The following NOS1 variants were observed in gnomAD, a reference collection of about 807,000 sequenced individuals.
NOS1 encodes nitric oxide synthase 1.
In NOS1, 51 loss-of-function variants were observed where a neutral mutation model predicts 164.5. The ratio of observed to expected loss-of-function variants is 0.31; its 90% CI spans 0.25 to 0.39. The LOEUF is 0.39. Among genes scored for constraint, NOS1 ranks in the 10% least tolerant of loss-of-function variants. The pLI, the probability that NOS1 is intolerant of heterozygous loss-of-function variation, is 1.00. For synonymous variants in NOS1, 719 were observed against 745.8 expected (o/e 0.96, Z 0.59); for missense variants, 1,362 against 1,885.6 (o/e 0.72, Z 5.14).
At chr12:117,300,374 A>C (rs1290090092) in intron 3 of NOS1, among the ~76,000 whole-genome samples, 1 of 152,214 alleles carries the variant, frequency 6.6e-6, no homozygotes, top group Non-Finnish European at 1.5e-5. Flanking sequence ...TAAAACAAAC[A>C]GTTAGCAAAA....
chr12:117,283,467 A>G lies in NOS1; in HGVS notation c.1382+1774T>C, dbSNP rs1329387365. Among the ~76,000 whole-genome samples, 3 of 152,190 alleles carry G rather than the reference A, an allele frequency of 2.0e-5. No homozygotes were observed. In the East Asian group the frequency reaches 5.8e-4, roughly 29 times the overall value. On this transcript the variant is annotated intron_variant, in intron 7 of 28. Transcript: ENST00000317775. ...AATGTTTTCTTTAATAGAAGATCTC[A>G]CAAAGACCCCTTAATACAGCAGTGA...
chr12:117,286,001 A>G lies in NOS1; in HGVS notation c.1290+103T>C, dbSNP rs41383549. ...CATCTGATAGGTCACCATGGCTACC[A>G]GGTACCCTTGGTAGAAGCTTATCCT... On this transcript the variant is annotated intron_variant, in intron 6 of 28. Coordinates refer to ENST00000317775, the MANE Select transcript of NOS1 (RefSeq NM_000620.5). 256 of 1,317,396 alleles carry G rather than the reference A, an allele frequency of 1.9e-4. No homozygotes were observed. In the African/African-American group the frequency reaches 3.3e-3, roughly 17 times the overall value. The allele number at this position is 1,317,396 out of a possible 1,614,324, so 81.6% of individuals were successfully genotyped here.
intron 17 of NOS1, among the ~76,000 whole-genome samples, chr12:117,252,800 A>G (rs950429908): frequency 6.6e-6 from 1 of 152,246 alleles, no homozygotes; most frequent in Non-Finnish European, 1.5e-5. Flanking sequence ...GATCTATATC[A>G]TCTACTACGC....
intron 27 of NOS1, among the ~76,000 whole-genome samples, 193 bp from the exon 28 acceptor site, chr12:117,218,357 G>A (rs979476746): frequency 5.3e-5 from 8 of 152,088 alleles, no homozygotes; most frequent in Non-Finnish European, 7.4e-5. Flanking sequence ...TCTCTGGGAC[G>A]TGGGGCAACT....
intron 16 of NOS1, among the ~76,000 whole-genome samples, chr12:117,254,512 G>A (rs896377346): frequency 1.3e-5 from 2 of 152,124 alleles, no homozygotes; most frequent in Admixed American, 6.6e-5. Context: ...CATTTCTAAC[G>A]AGCTCCCAGG....
Position 117,210,138 on chromosome 12 carries a change from A to ATT in NOS1, c.*5170_*5171insAA. The ATT allele has an allele frequency of 2.7e-6, 1 of 374,856 alleles. No homozygotes were observed. The highest frequency in any genetic ancestry group is 3.4e-6 in the Non-Finnish European group (1 of 295,810). The allele number at this position is 374,856 out of a possible 1,614,324, so 23.2% of individuals were successfully genotyped here. A position where few individuals can be genotyped will look rare whatever the true frequency, so the allele number is the denominator to read the frequency against. ...CAGGAGCATGCCATCATGCCCAGCT[A>ATT]ATTTTTTTTTTTTTTTTTTTTTAGT... is the stretch of plus-strand genomic sequence containing the variant. On this transcript the variant is annotated 3_prime_UTR_variant, in exon 29 of 29. Coordinates refer to ENST00000317775, the MANE Select transcript of NOS1 (RefSeq NM_000620.5).
At chr12:117,232,695 C>CA (rs1395114297) in intron 21 of NOS1, among the ~76,000 whole-genome samples, 1 of 152,102 alleles carries the variant, frequency 6.6e-6, no homozygotes, top group Admixed American at 6.6e-5. Context: ...TGAAGTCAGG[C>CA]AGTGTGGCTT....
At chr12:117,332,256 C>T (rs553578236) in intron 1 of NOS1, among the ~76,000 whole-genome samples, 5 of 152,130 alleles carry the variant, frequency 3.3e-5, no homozygotes, top group Non-Finnish European at 7.3e-5. Flanking sequence ...TGAGCACGTT[C>T]GCTCTTAACA....
rs1358659653 is a variant in NOS1 at position 117,213,319 on chromosome 12, CAGGAA to C, written c.*1985_*1989del. 11 of 985,302 alleles carry C rather than the reference CAGGAA, an allele frequency of 1.1e-5. No homozygotes were observed. Among genetic ancestry groups the C allele is most frequent in the Non-Finnish European group, 3.6e-6 (3 of 829,978 alleles). The allele number at this position is 985,302 out of a possible 1,614,324, so 61.0% of individuals were successfully genotyped here. ...CTACTAGGAGCTGGAAATGGGTTTGCAGGAAAGGAGTTTAGAATGGGCTTCCCTTC... is the reference window on the plus strand; with the variant it reads ...CTACTAGGAGCTGGAAATGGGTTTGCAGGAGTTTAGAATGGGCTTCCCTTC... On this transcript the variant is annotated 3_prime_UTR_variant, in exon 29 of 29. Coordinates refer to ENST00000317775, the MANE Select transcript of NOS1 (RefSeq NM_000620.5).
chr12:117,335,505 G>A (rs781709844), intron 1 of NOS1, among the ~76,000 whole-genome samples: 6 of 152,044 alleles, frequency 3.9e-5, no homozygotes, highest in Non-Finnish European at 8.8e-5. Flanking sequence ...GCTGACTATC[G>A]GGGATGGCTG....
intron 20 of NOS1, among the ~76,000 whole-genome samples, chr12:117,238,029 G>A (rs1279344015): frequency 6.6e-6 from 1 of 152,160 alleles, no homozygotes; most frequent in African/African-American, 2.4e-5. Flanking sequence ...GGAAGAGCAC[G>A]TGCAAAGGCC....
intron 1 of NOS1, among the ~76,000 whole-genome samples, chr12:117,354,558 A>C (rs570062023): frequency 6.6e-6 from 1 of 152,346 alleles, no homozygotes; most frequent in Non-Finnish European, 1.5e-5. Context: ...AAAATATGTC[A>C]GTTGCTATCG....
In NOS1 at chr12:117,211,253, C is replaced by T; in HGVS notation, c.*4056G>A. On this transcript the variant is annotated 3_prime_UTR_variant, in exon 29 of 29. Transcript: ENST00000317775. ...GATTACAGACATGAGCTACCGCGCC[C>T]AGCCTGCAAGATGCTTTAATTTCTC... 4.1e-6 allele frequency: 4 copies of T among 985,446 alleles called. No homozygotes were observed. The highest frequency in any genetic ancestry group is 4.8e-6 in the Non-Finnish European group (4 of 829,996). 61.0% of individuals were successfully genotyped at this position (985,446 alleles called of 1,614,324 possible). A position where few individuals can be genotyped will look rare whatever the true frequency, so the allele number is the denominator to read the frequency against.
intron 6 of NOS1, among the ~76,000 whole-genome samples, chr12:117,285,616 T>G (rs531465004): frequency 6.6e-5 from 10 of 151,164 alleles, no homozygotes; most frequent in African/African-American, 2.4e-4. Context: ...GGGGTTTAGA[T>G]GGGCTGGTTA....
chr12:117,220,383 T>C (rs1259713431), intron 26 of NOS1, 114 bp from the exon 27 acceptor site: 6 of 987,972 alleles, frequency 6.1e-6, no homozygotes, highest in Non-Finnish European at 8.9e-6. Flanking sequence ...AGGTAGGATC[T>C]TTTGTGAGCT....
At chr12:117,266,171 C>T (rs1489703428) in intron 11 of NOS1, among the ~76,000 whole-genome samples, 1 of 151,826 alleles carries the variant, frequency 6.6e-6, no homozygotes, top group Non-Finnish European at 1.5e-5. Context: ...TGAGTAAGTT[C>T]TTTAGTGGTG....
intron 3 of NOS1, among the ~76,000 whole-genome samples, chr12:117,291,966 A>G (rs1873094628): frequency 6.6e-6 from 1 of 152,200 alleles, no homozygotes; most frequent in Admixed American, 6.5e-5. Flanking sequence ...CCCTGATGCG[A>G]AAGCCAAGCA....
intron 1 of NOS1, among the ~76,000 whole-genome samples, chr12:117,353,181 A>C (rs891855329): frequency 6.6e-5 from 10 of 152,130 alleles, no homozygotes; most frequent in Middle Eastern, 3.4e-3. Context: ...CTATCTACCT[A>C]CCAATCTATC....
intron 1 of NOS1, among the ~76,000 whole-genome samples, chr12:117,360,938 C>A (rs553415267): frequency 1.4e-3 from 219 of 152,226 alleles, no homozygotes; most frequent in African/African-American, 5.0e-3. Context: ...AAGTTGGAGC[C>A]TGGGCGCGTA....
Sources: allele counts gnomAD v4.1 joint callset (sites outside exome capture counted in the v4.1 genomes callset), GRCh38; gene constraint gnomAD v4.1.1; transcripts MANE v1.5; gene names NCBI Gene and HGNC (gene_info 2026-07-23, HGNC 2026-07-21).